Variants in KIFC3 observed in about 807,000 individuals in gnomAD.
The protein encoded by KIFC3 is kinesin family member C3.
KIFC3 carries 60 observed loss-of-function variants against 101.8 expected under a neutral mutation model. That is an observed-to-expected ratio of 0.59 (90% CI 0.48 to 0.73). The LOEUF is 0.73. Ranked by LOEUF, KIFC3 falls within the 30% of genes least tolerant of loss-of-function variation. The probability of loss-of-function intolerance (pLI) is 0.00; values close to 1 mark genes in which losing one functional copy is unlikely to be tolerated. For missense variants in KIFC3, 966 were observed against 1,137.1 expected (o/e 0.85, Z 2.16); for synonymous variants, 476 against 482.7 (o/e 0.99, Z 0.18).
chr16:57,849,176 C>A (rs1394624534), intron 1 of KIFC3, among the ~76,000 whole-genome samples: 3 of 152,138 alleles, frequency 2.0e-5, no homozygotes, highest in Non-Finnish European at 4.4e-5. Context: ...TTTTTGGGGA[C>A]AGAAACCCAG....
exon 1 of KIFC3, chr16:57,862,768 T>C (rs1260550824): frequency 7.8e-7 from 1 of 1,289,654 alleles, no homozygotes; most frequent in South Asian, 1.2e-5. Context: ...ATCTGAGGGT[T>C]TCCTGGTGTC....
chr16:57,788,829 A>G, intron 3 of KIFC3: 1 of 982,108 alleles, frequency 1.0e-6, no homozygotes, highest in Non-Finnish European at 1.3e-6. Context: ...CAGCGGGTCC[A>G]GTCCCTCCCT....
chr16:57,832,324 T>TTC (rs2055599396), intron 1 of KIFC3, among the ~76,000 whole-genome samples: 1 of 106,492 alleles, frequency 9.4e-6, no homozygotes, highest in Non-Finnish European at 1.8e-5. Context: ...CCAGGCCCTT[T>TTC]TTTTTTTTTT....
chr16:57,821,215 A>T (rs782183271), intron 1 of KIFC3, among the ~76,000 whole-genome samples: 5 of 151,994 alleles, frequency 3.3e-5, no homozygotes, highest in Non-Finnish European at 5.9e-5. Flanking sequence ...TGGGTATGAC[A>T]AGGAGAGTGG....
At chr16:57,772,465 C>A in intron 3 of KIFC3, 177 bp from the exon 4 acceptor site, 1 of 555,300 alleles carries the variant, frequency 1.8e-6, no homozygotes, top group Non-Finnish European at 3.2e-6. Flanking sequence ...GTGAGAGAAA[C>A]CTGGGCTGGT....
upstream of KIFC3, among the ~76,000 whole-genome samples, chr16:57,806,590 T>G (rs782606065): frequency 1.3e-5 from 2 of 152,150 alleles, no homozygotes; most frequent in Admixed American, 6.5e-5. Flanking sequence ...AATAAATCCA[T>G]AGATCCCATA....
chr16:57,791,751 G>T (rs1479051284), intron 3 of KIFC3, among the ~76,000 whole-genome samples: 2 of 152,334 alleles, frequency 1.3e-5, no homozygotes, highest in East Asian at 3.9e-4. Flanking sequence ...ACTCGAGGCT[G>T]TGGGTTTCTG....
intron 2 of KIFC3, among the ~76,000 whole-genome samples, chr16:57,796,873 T>G (rs2054365364): frequency 6.6e-6 from 1 of 152,268 alleles, no homozygotes. Flanking sequence ...AAAATGCTTT[T>G]GTTTTACCGG....
intron 1 of KIFC3, among the ~76,000 whole-genome samples, chr16:57,835,488 C>G (rs782195057): frequency 6.6e-6 from 1 of 152,178 alleles, no homozygotes. Context: ...TGAACATCTA[C>G]TGGGTACTTA....
intron 1 of KIFC3, among the ~76,000 whole-genome samples, chr16:57,799,872 T>C (rs2054609371): frequency 6.6e-6 from 1 of 152,040 alleles, no homozygotes; most frequent in Admixed American, 6.6e-5. Flanking sequence ...CAAAGAGACG[T>C]GGAGGACTGA....
intron 3 of KIFC3, among the ~76,000 whole-genome samples, chr16:57,785,929 C>T (rs1457305423): frequency 3.3e-5 from 5 of 152,128 alleles, no homozygotes; most frequent in Admixed American, 2.0e-4. Flanking sequence ...TCACTGAATA[C>T]GGCTCTCAAA....
chr16:57,803,314 T>C, upstream of KIFC3: 1 of 685,346 alleles, frequency 1.5e-6, no homozygotes, highest in African/African-American at 1.8e-5. Context: ...GGAGCCACTC[T>C]GTTCTTTGTC....
At chr16:57,771,802 G>A in intron 4 of KIFC3, 116 bp from the exon 5 acceptor site, 1 of 1,268,562 alleles carries the variant, frequency 7.9e-7, no homozygotes, top group Non-Finnish European at 1.1e-6. Context: ...GTGGAGAAAG[G>A]CAGAGGGAAG....
chr16:57,859,858 C>A (rs986412028), intron 1 of KIFC3, among the ~76,000 whole-genome samples: 1 of 151,356 alleles, frequency 6.6e-6, no homozygotes, highest in African/African-American at 2.4e-5. Context: ...CTTGTCTCTA[C>A]TAAAAATACA....
chr16:57,789,063 C>T (rs782539943), intron 3 of KIFC3, among the ~76,000 whole-genome samples: 3 of 152,228 alleles, frequency 2.0e-5, no homozygotes, highest in Non-Finnish European at 2.9e-5. Context: ...GGTGCGCACA[C>T]CCCACAGGCA....
At chr16:57,854,167 C>T (rs555245646) in intron 1 of KIFC3, among the ~76,000 whole-genome samples, 2 of 152,200 alleles carry the variant, frequency 1.3e-5, no homozygotes, top group Non-Finnish European at 2.9e-5. Flanking sequence ...GTCTCAAACT[C>T]TTGAGTTCAA....
chr16:57,860,857 A>C (rs76660455), intron 1 of KIFC3, among the ~76,000 whole-genome samples: 1 of 151,952 alleles, frequency 6.6e-6, no homozygotes, highest in Non-Finnish European at 1.5e-5. Flanking sequence ...AGCTAGAGGT[A>C]CATACCACCA....
intron 3 of KIFC3, among the ~76,000 whole-genome samples, chr16:57,774,454 A>T (rs1555610642): frequency 6.6e-6 from 1 of 152,218 alleles, no homozygotes; most frequent in Non-Finnish European, 1.5e-5. Flanking sequence ...CATTAAGTGT[A>T]CAGCACTAAA....
Position 57,769,159 on chromosome 16 carries a change from G to A in KIFC3, c.1218+436C>T, listed in dbSNP as rs529942325. ...AGTGATTCTCCTGCCTCAGCCTCCCGAGTAGCTGGAATTAACAGGCACCTG... is the reference window on the plus strand; with the variant it reads ...AGTGATTCTCCTGCCTCAGCCTCCCAAGTAGCTGGAATTAACAGGCACCTG... On this transcript the variant is annotated intron_variant, in intron 9 of 19. Coordinates refer to ENST00000445690, the MANE Select transcript of KIFC3 (RefSeq NM_001130100.2). The surrounding 1 kb of genome is among the most constrained non-coding windows in gnomAD (Gnocchi z 4.3). 2.0e-5 allele frequency among the ~76,000 whole-genome samples: 3 copies of A among 152,054 alleles called. No individual in the cohort carries two copies. The highest frequency in any genetic ancestry group is 4.8e-5 in the African/African-American group (2 of 41,400).
Sources: gnomAD v4.1 joint callset for allele counts (sites outside exome capture counted in the v4.1 genomes callset) on GRCh38, gnomAD v4.1.1 for gene constraint, Gnocchi (gnomAD v3.1) non-coding constraint, MANE v1.5 for transcripts, NCBI Gene and HGNC (gene_info 2026-07-23, HGNC 2026-07-21) for gene names.